Variants in THSD4 observed in about 807,000 individuals in gnomAD.
THSD4 encodes the protein thrombospondin type-1 domain-containing protein 4.
In THSD4, 69 loss-of-function variants were observed where a neutral mutation model predicts 119.0. The ratio of observed to expected loss-of-function variants is 0.58; its 90% confidence interval spans 0.48 to 0.71. The LOEUF (loss-of-function observed/expected upper bound fraction) is 0.71. THSD4 is among the 30% of genes least tolerant of loss of function. The pLI, the probability that THSD4 is intolerant of heterozygous loss-of-function variation, is 0.00. For missense variants in THSD4, 1,393 were observed against 1,391.1 expected, an observed-to-expected ratio of 1.00 and a Z score of -0.02; for synonymous variants, 524 against 540.4, an observed-to-expected ratio of 0.97 and a Z score of 0.42.
intron 7 of THSD4, among the ~76,000 whole-genome samples, chr15:71,487,209 C>T (rs185789462): frequency 6.6e-6 from 1 of 152,306 alleles, no homozygotes; most frequent in Admixed American, 6.5e-5. Context: ...CTGAATTTAG[C>T]GATGTGGGAT....
chr15:71,169,876 A>G (rs1477702365), intron 3 of THSD4, among the ~76,000 whole-genome samples: 1 of 152,184 alleles, frequency 6.6e-6, no homozygotes, highest in African/African-American at 2.4e-5. Context: ...AGATAGACTT[A>G]AGAGTCCAGC....
intron 7 of THSD4, 72 bp downstream of exon 7, chr15:71,411,895 G>A (rs950459030): frequency 3.8e-6 from 6 of 1,587,824 alleles, no homozygotes; most frequent in Non-Finnish European, 5.2e-6. Context: ...TGTTTTCCAG[G>A]GAGAGACTAG....
Position 71,554,567 on chromosome 15 carries a change from T to C in THSD4, c.1153-105963T>C, listed in dbSNP as rs376717309. On this transcript the variant is annotated intron_variant, in intron 7 of 17. Coordinates refer to ENST00000261862, the MANE Select transcript of THSD4 (RefSeq NM_024817.3). ...CCATGCCTGGCTAATTTTTTACTTTTTGTAGAGACAGGGTCTCACTGTGTT... is the reference window on the plus strand; with the variant it reads ...CCATGCCTGGCTAATTTTTTACTTTCTGTAGAGACAGGGTCTCACTGTGTT... 1.7e-3 allele frequency among the ~76,000 whole-genome samples: 254 copies of C among 152,310 alleles called. 15 individuals carry two copies. The South Asian group carries it at 0.052, about 31-fold the overall frequency.
chr15:71,322,305 T>C (rs904623322), intron 6 of THSD4, among the ~76,000 whole-genome samples: 4 of 152,010 alleles, frequency 2.6e-5, no homozygotes, highest in African/African-American at 9.7e-5. Flanking sequence ...CAACCCTTGC[T>C]GGAGGATATT....
intron 11 of THSD4, among the ~76,000 whole-genome samples, chr15:71,740,968 T>C (rs1336763364): frequency 6.6e-6 from 1 of 152,162 alleles, no homozygotes; most frequent in Non-Finnish European, 1.5e-5. Flanking sequence ...GAATATACAC[T>C]TTGCAACTTC....
chr15:71,674,797 G>A (rs1298246471), intron 8 of THSD4, among the ~76,000 whole-genome samples: 8 of 152,066 alleles, frequency 5.3e-5, no homozygotes, highest in Non-Finnish European at 8.8e-5. Flanking sequence ...GGCATCTGTC[G>A]ATAGAGGCCA....
chr15:71,711,901 A>T (rs555614756), intron 8 of THSD4, among the ~76,000 whole-genome samples: 49 of 152,260 alleles, frequency 3.2e-4, no homozygotes, highest in Non-Finnish European at 2.9e-5. Flanking sequence ...TCTAAAACAC[A>T]TGAAGCAAAA....
intron 7 of THSD4, among the ~76,000 whole-genome samples, chr15:71,499,157 C>T (rs1008299897): frequency 6.6e-6 from 1 of 152,122 alleles, no homozygotes; most frequent in African/African-American, 2.4e-5. Flanking sequence ...CAAAGACAAA[C>T]CCTTCACTCT....
At chr15:71,455,113 A>G (rs1366027540) in intron 7 of THSD4, among the ~76,000 whole-genome samples, 1 of 152,232 alleles carries the variant, frequency 6.6e-6, no homozygotes, top group Admixed American at 6.5e-5. Context: ...TCTCTGGGCC[A>G]AGGCATCTTT....
rs2052498742 is a variant in THSD4 at position 71,710,921 on chromosome 15, G to A, written c.1358-17628G>A. On this transcript the variant is annotated intron_variant, in intron 8 of 17. Coordinates refer to ENST00000261862, the MANE Select transcript of THSD4 (RefSeq NM_024817.3). Reference sequence around the variant, plus strand: ...TCAACTCTTCACCAGCTGTGTCAGAGCAGACAAGTATCTAACTTAGTTTGC... The same window carrying A: ...TCAACTCTTCACCAGCTGTGTCAGAACAGACAAGTATCTAACTTAGTTTGC... Among the ~76,000 whole-genome samples, 4 of 152,162 alleles carry A rather than the reference G, an allele frequency of 2.6e-5. No individual in the cohort carries two copies. The South Asian group carries it at 8.3e-4, about 32-fold the overall frequency.
At chr15:71,228,289 G>A (rs1408923490) in intron 4 of THSD4, among the ~76,000 whole-genome samples, 1 of 152,026 alleles carries the variant, frequency 6.6e-6, no homozygotes, top group Non-Finnish European at 1.5e-5. Flanking sequence ...TTGAAGACTG[G>A]AGTGATATAG....
intron 3 of THSD4, among the ~76,000 whole-genome samples, chr15:71,191,650 A>T (rs898675245): frequency 6.6e-6 from 1 of 152,180 alleles, no homozygotes; most frequent in Non-Finnish European, 1.5e-5. Context: ...CAGAAATTCA[A>T]GCTCATACTG....
chr15:71,156,233 T>C (rs2040775615), intron 3 of THSD4, among the ~76,000 whole-genome samples: 1 of 152,004 alleles, frequency 6.6e-6, no homozygotes, highest in African/African-American at 2.4e-5. Context: ...AGCAAGTTGG[T>C]CGGCTCCTTT....
chr15:71,663,262 GA>G (rs1053953925), intron 8 of THSD4, among the ~76,000 whole-genome samples: 11 of 150,040 alleles, frequency 7.3e-5, no homozygotes, highest in African/African-American at 2.5e-4. Context: ...AAAAAAAAAA[GA>G]AAAAGAAAAA....
chr15:71,605,149 C>T (rs1009014345), intron 7 of THSD4, among the ~76,000 whole-genome samples: 7 of 152,130 alleles, frequency 4.6e-5, no homozygotes, highest in African/African-American at 1.2e-4. Flanking sequence ...ACCAGCGTCA[C>T]TGGAACAGAA....
At chr15:71,263,143 AGT>A (rs2044421027) in intron 6 of THSD4, among the ~76,000 whole-genome samples, 1 of 151,822 alleles carries the variant, frequency 6.6e-6, no homozygotes, top group Admixed American at 6.6e-5. Flanking sequence ...GATAGGCTCC[AGT>A]GTGTGTTGTT....
At chr15:71,388,678 G>GTA (rs2046326880) in intron 6 of THSD4, among the ~76,000 whole-genome samples, 1 of 150,896 alleles carries the variant, frequency 6.6e-6, no homozygotes, top group Non-Finnish European at 1.5e-5. Context: ...GTGTGTGTGT[G>GTA]TGTGTGTGTG....
chr15:71,491,334 G>T (rs1407937667), intron 7 of THSD4, among the ~76,000 whole-genome samples: 1 of 152,196 alleles, frequency 6.6e-6, no homozygotes, highest in East Asian at 1.9e-4. Flanking sequence ...TATTTAGAGG[G>T]TGGGATATCC....
intron 7 of THSD4, among the ~76,000 whole-genome samples, chr15:71,605,247 A>AT (rs1025769140): frequency 4.6e-5 from 7 of 152,330 alleles, no homozygotes; most frequent in African/African-American, 1.7e-4. Flanking sequence ...ATAAGTATAT[A>AT]TTTTGTTTGC....
Sources: allele counts gnomAD v4.1 joint callset (sites outside exome capture counted in the v4.1 genomes callset), GRCh38; gene constraint gnomAD v4.1.1; transcripts MANE v1.5; gene names NCBI Gene and HGNC (gene_info 2026-07-23, HGNC 2026-07-21).